Variants in GLRA3 observed in about 807,000 individuals in gnomAD.
GLRA3 encodes the protein glycine receptor subunit alpha-3.
Under a neutral mutation model 60.4 loss-of-function variants are expected in GLRA3, and 44 were observed. The observed-to-expected ratio is 0.73, with a 90% CI of 0.57 to 0.94. GLRA3 has a LOEUF of 0.94. GLRA3 is among the 40% of genes least tolerant of loss of function. The pLI, the probability that GLRA3 is intolerant of heterozygous loss-of-function variation, is 0.00. For missense variants in GLRA3, 508 were observed against 564.6 expected (o/e 0.90, Z 1.02); for synonymous variants, 223 against 192.9 (o/e 1.16, Z -1.29).
At position 174,728,468 on chromosome 4, in the gene GLRA3, G is replaced by T; in HGVS notation, c.491+7C>A. 5 of 1,457,650 alleles carry T rather than the reference G, an allele frequency of 3.4e-6. No homozygotes were observed. Among genetic ancestry groups the T allele is most frequent in the Middle Eastern group, 1.8e-4 (1 of 5,688 alleles). The allele number at this position is 1,457,650 out of a possible 1,614,324, so 90.3% of individuals were successfully genotyped here. ...ACTGAAATCGGCAATTTAAGTCCAC[G>T]ACTCACCTTATTGAATAAAGAACAT... is the stretch of plus-strand genomic sequence containing the variant. On this transcript the variant is annotated splice_region_variant and intron_variant, in intron 4 of 9. Coordinates refer to ENST00000274093, the MANE Select transcript of GLRA3 (RefSeq NM_006529.4).
intron 2 of GLRA3, among the ~76,000 whole-genome samples, chr4:174,780,368 T>A (rs1189132016): frequency 6.6e-6 from 1 of 150,934 alleles, no homozygotes; most frequent in Admixed American, 6.6e-5. Flanking sequence ...CATGCCAAAA[T>A]GTAAAGACCA....
intron 3 of GLRA3, among the ~76,000 whole-genome samples, chr4:174,730,700 G>C (rs1206096706): frequency 6.6e-6 from 1 of 152,118 alleles, no homozygotes; most frequent in Non-Finnish European, 1.5e-5. Flanking sequence ...ATATGTGCTA[G>C]AAAAGATGTT....
Position 174,642,401 on chromosome 4 carries a change from T to C in GLRA3, c.*1385A>G. On this transcript the variant is annotated 3_prime_UTR_variant, in exon 10 of 10. Transcript: ENST00000274093. ...TTGTGCATCTGACCAATAATTAAAA[T>C]ACCTAAAAAGCATTCCAAAGCTTTT... 2.1e-6 allele frequency: 2 copies of C among 965,306 alleles called. No homozygotes were observed. Among genetic ancestry groups the C allele is most frequent in the South Asian group, 4.8e-5 (1 of 20,850 alleles). 59.8% of individuals were successfully genotyped at this position (965,306 alleles called of 1,614,324 possible).
rs577746057 is a variant in GLRA3 at position 174,638,157 on chromosome 4, A to T, written c.*5629T>A. 5.3e-5 allele frequency: 8 copies of T among 152,326 alleles called. No individual in the cohort carries two copies. Among genetic ancestry groups the T allele is most frequent in the African/African-American group, 1.9e-4 (8 of 41,584 alleles). 9.4% of individuals were successfully genotyped at this position (152,326 alleles called of 1,614,324 possible). A position where few individuals can be genotyped will look rare whatever the true frequency, so the allele number is the denominator to read the frequency against. On this transcript the variant is annotated 3_prime_UTR_variant, in exon 10 of 10. Coordinates refer to ENST00000274093, the MANE Select transcript of GLRA3 (RefSeq NM_006529.4). Reference sequence around the variant, plus strand: ...GAGTTATGTCACAATGGAACAGAAGACTGCCCTCAGAGTAATGAGCTACCT... The same window carrying T: ...GAGTTATGTCACAATGGAACAGAAGTCTGCCCTCAGAGTAATGAGCTACCT...
chr4:174,813,962 G>A (rs879718084), intron 1 of GLRA3, among the ~76,000 whole-genome samples: 51 of 152,266 alleles, frequency 3.3e-4, no homozygotes, highest in African/African-American at 1.2e-3. Flanking sequence ...AAACCCTCAC[G>A]GGAAGGGGAG....
At chr4:174,739,880 A>G (rs1274763868) in intron 3 of GLRA3, among the ~76,000 whole-genome samples, 1 of 152,178 alleles carries the variant, frequency 6.6e-6, no homozygotes, top group Non-Finnish European at 1.5e-5. Context: ...AACTGGAAGG[A>G]TATGCTTTCC....
chr4:174,828,350 TA>T (rs1741062275), intron 1 of GLRA3, among the ~76,000 whole-genome samples: 1 of 152,148 alleles, frequency 6.6e-6, no homozygotes, highest in East Asian at 1.9e-4. Flanking sequence ...ATTTCTGCAT[TA>T]AAAAAAGTAA....
At chr4:174,787,946 G>C (rs1270984702) in intron 2 of GLRA3, among the ~76,000 whole-genome samples, 1 of 151,912 alleles carries the variant, frequency 6.6e-6, no homozygotes, top group African/African-American at 2.4e-5. Context: ...CCACTGCTAA[G>C]CATTTCTTTT....
At chr4:174,661,709 C>T (rs1384888945) in intron 7 of GLRA3, among the ~76,000 whole-genome samples, 5 of 152,198 alleles carry the variant, frequency 3.3e-5, no homozygotes, top group African/African-American at 1.2e-4. Context: ...GCATCCTTGA[C>T]TCTGGTTCCA....
chr4:174,787,205 G>A (rs1259111768), intron 2 of GLRA3, among the ~76,000 whole-genome samples: 1 of 152,096 alleles, frequency 6.6e-6, no homozygotes, highest in African/African-American at 2.4e-5. Context: ...AATAACTGCT[G>A]AGACTGTTTA....
chr4:174,793,528 C>G (rs1257521618), intron 1 of GLRA3, among the ~76,000 whole-genome samples: 2 of 151,728 alleles, frequency 1.3e-5, no homozygotes, highest in Non-Finnish European at 2.9e-5. Context: ...TCACAGCTCC[C>G]CGCAACGTTG....
intron 3 of GLRA3, among the ~76,000 whole-genome samples, chr4:174,760,478 G>A (rs963163936): frequency 6.6e-6 from 1 of 152,130 alleles, no homozygotes; most frequent in Non-Finnish European, 1.5e-5. Flanking sequence ...AATATACCCT[G>A]TAGAATAGCT....
Position 174,682,769 on chromosome 4 carries a change from T to C in GLRA3, c.712+33A>G, listed in dbSNP as rs1054592373. 4 of 1,484,718 alleles carry C rather than the reference T, an allele frequency of 2.7e-6. No individual in the cohort carries two copies. In the South Asian group the frequency reaches 3.6e-5, roughly 14 times the overall value. 92.0% of individuals were successfully genotyped at this position (1,484,718 alleles called of 1,614,324 possible). A position where few individuals can be genotyped will look rare whatever the true frequency, so the allele number is the denominator to read the frequency against. ...CATCTGGATATCATAAAACCACAAG[T>C]AGTAAGTGTAAAGAACACTACTCAA... On this transcript the variant is annotated intron_variant, in intron 6 of 9. Coordinates refer to ENST00000274093, the MANE Select transcript of GLRA3 (RefSeq NM_006529.4).
At position 174,732,280 on chromosome 4, in the gene GLRA3, A is replaced by G. The variant is rs534283122; in HGVS notation, c.268-3582T>C. Among the ~76,000 whole-genome samples the G allele has an allele frequency of 4.5e-3, 679 of 151,978 alleles. 2 individuals carry two copies. The highest frequency in any genetic ancestry group is 0.016 in the African/African-American group (659 of 41,476). On this transcript the variant is annotated intron_variant, in intron 3 of 9. Transcript: ENST00000274093. ...TGAAGCAGGAGAGACGCTTGAACCCAGGAGGCGGAGCTTGCAGTGAGCCGA... is the reference window on the plus strand; with the variant it reads ...TGAAGCAGGAGAGACGCTTGAACCCGGGAGGCGGAGCTTGCAGTGAGCCGA...
intron 4 of GLRA3, among the ~76,000 whole-genome samples, chr4:174,723,974 T>C (rs183897459): frequency 3.3e-5 from 5 of 151,874 alleles, no homozygotes; most frequent in African/African-American, 1.2e-4. Context: ...TCTAAATTGT[T>C]TGGGGTTCGT....
At chr4:174,726,068 G>T (rs1300689278) in intron 4 of GLRA3, among the ~76,000 whole-genome samples, 1 of 152,218 alleles carries the variant, frequency 6.6e-6, no homozygotes, top group Non-Finnish European at 1.5e-5. Flanking sequence ...ATTGCTGGAT[G>T]TCCCAGGTGT....
chr4:174,815,865 G>T (rs1340308261), intron 1 of GLRA3, among the ~76,000 whole-genome samples: 1 of 152,128 alleles, frequency 6.6e-6, no homozygotes, highest in Admixed American at 6.6e-5. Context: ...CATTATCTTG[G>T]TGACTAACAT....
intron 3 of GLRA3, among the ~76,000 whole-genome samples, chr4:174,735,992 T>C (rs1005239477): frequency 9.9e-5 from 15 of 152,184 alleles, no homozygotes. Flanking sequence ...ATTTGGTCTT[T>C]GGAACATTCT....
At chr4:174,697,559 A>C (rs1735109086) in intron 5 of GLRA3, among the ~76,000 whole-genome samples, 1 of 152,224 alleles carries the variant, frequency 6.6e-6, no homozygotes, top group South Asian at 2.1e-4. Flanking sequence ...ATGTGGTTTC[A>C]TTTAAATTAT....
Sources: allele counts gnomAD v4.1 joint callset (sites outside exome capture counted in the v4.1 genomes callset), GRCh38; gene constraint gnomAD v4.1.1; transcripts MANE v1.5; gene names NCBI Gene and HGNC (gene_info 2026-07-23, HGNC 2026-07-21).